MRTFA: variants seen among roughly 807,000 people sequenced by gnomAD.
The protein encoded by MRTFA is myocardin related transcription factor A.
MRTFA carries 20 observed loss-of-function variants against 83.5 expected under a neutral mutation model. That is an observed-to-expected ratio of 0.24 (90% CI 0.17 to 0.35). The LOEUF (loss-of-function observed/expected upper bound fraction) is 0.35. MRTFA is among the 10% of genes least tolerant of loss of function. The pLI is 1.00. For synonymous variants in MRTFA, 659 were observed against 541.2 expected (o/e 1.22, Z -3.02); for missense variants, 1,200 against 1,224.7 (o/e 0.98, Z 0.30).
chr22:40,571,026 C>CAGA, intron 2 of MRTFA, among the ~76,000 whole-genome samples: 1 of 46,734 alleles, frequency 2.1e-5, no homozygotes, highest in Admixed American at 3.7e-4. Context: ...CCTGTCTCTA[C>CAGA]AAAAAAAAAA....
chr22:40,576,102 C>G (rs2055864638), intron 2 of MRTFA, among the ~76,000 whole-genome samples: 1 of 148,470 alleles, frequency 6.7e-6, no homozygotes, highest in Admixed American at 6.8e-5. Flanking sequence ...GATCTCGGCT[C>G]ACTGCAACCT....
intron 2 of MRTFA, among the ~76,000 whole-genome samples, chr22:40,582,553 C>T (rs538511926): frequency 2.6e-5 from 4 of 151,956 alleles, no homozygotes; most frequent in African/African-American, 9.7e-5. Context: ...TGCTTTAATC[C>T]TCTTCCCAAA....
At chr22:40,436,128 C>T (rs2053165532) in intron 4 of MRTFA, among the ~76,000 whole-genome samples, 2 of 152,094 alleles carry the variant, frequency 1.3e-5, no homozygotes, top group Admixed American at 1.3e-4. Context: ...AAAGTGCACC[C>T]ATGGAATGTA....
At chr22:40,459,454 T>A (rs374070439) in intron 4 of MRTFA, among the ~76,000 whole-genome samples, 23 of 152,194 alleles carry the variant, frequency 1.5e-4, no homozygotes, top group African/African-American at 5.3e-4. Flanking sequence ...GATCTTGGTA[T>A]ATGGGAAAAT....
At chr22:40,550,675 T>C (rs1354568450) in intron 3 of MRTFA, among the ~76,000 whole-genome samples, 1 of 152,196 alleles carries the variant, frequency 6.6e-6, no homozygotes, top group Non-Finnish European at 1.5e-5. Flanking sequence ...CAACATTATA[T>C]ATTGCTTAAG....
At chr22:40,434,349 T>C (rs371381388) in intron 5 of MRTFA, among the ~76,000 whole-genome samples, 1 of 151,644 alleles carries the variant, frequency 6.6e-6, no homozygotes, top group East Asian at 1.9e-4. Context: ...TTAATCATGA[T>C]TTTCTGGGGA....
At chr22:40,536,998 G>C (rs1279062212) in intron 3 of MRTFA, among the ~76,000 whole-genome samples, 1 of 74,094 alleles carries the variant, frequency 1.3e-5, no homozygotes, top group African/African-American at 6.0e-5. Context: ...CAGCCACCCC[G>C]TCCGGGAGGG....
chr22:40,615,541 G>T (rs565530707), intron 1 of MRTFA, among the ~76,000 whole-genome samples: 3 of 152,262 alleles, frequency 2.0e-5, no homozygotes, highest in Admixed American at 6.5e-5. Context: ...ACAATCTTTA[G>T]ATTATTTGGG....
intron 3 of MRTFA, among the ~76,000 whole-genome samples, chr22:40,549,567 G>A (rs929282418): frequency 2.0e-5 from 3 of 152,190 alleles, no homozygotes; most frequent in Non-Finnish European, 4.4e-5. Context: ...AGGGAGTATT[G>A]ATTGGGAAGA....
At chr22:40,463,822 C>T (rs536841881) in intron 3 of MRTFA, among the ~76,000 whole-genome samples, 1 of 152,040 alleles carries the variant, frequency 6.6e-6, no homozygotes, top group Non-Finnish European at 1.5e-5. Flanking sequence ...AATATTTTAC[C>T]GTTAATATGC....
chr22:40,563,923 G>C (rs545925012), intron 2 of MRTFA, among the ~76,000 whole-genome samples: 2 of 152,284 alleles, frequency 1.3e-5, no homozygotes, highest in South Asian at 2.1e-4. Flanking sequence ...ATGCGGTTGT[G>C]GGGGGAGGTT....
intron 3 of MRTFA, among the ~76,000 whole-genome samples, chr22:40,551,741 G>A (rs942226640): frequency 6.6e-6 from 1 of 152,178 alleles, no homozygotes; most frequent in Admixed American, 6.5e-5. Context: ...AGTCCTAAAA[G>A]ATTACTCTGA....
intron 2 of MRTFA, chr22:40,587,725 A>C: frequency 3.0e-6 from 1 of 332,534 alleles, no homozygotes. Flanking sequence ...AGATATTTCC[A>C]AAAGCACCCT....
rs1051105023 is a variant in MRTFA at position 40,420,398 on chromosome 22, C to A, written c.1353+7G>T. 6.2e-6 allele frequency: 10 copies of A among 1,611,998 alleles called. No individual in the cohort carries two copies. The African/African-American group carries it at 1.3e-4, about 22-fold the overall frequency. On this transcript the variant is annotated splice_region_variant and intron_variant, in intron 11 of 14. Transcript: ENST00000355630. ...GCAGTGGCTCAAGTTTTCCAGTGGC[C>A]ATGTACCTTCATGTCGTCCAGGTTG...
intron 3 of MRTFA, among the ~76,000 whole-genome samples, chr22:40,479,957 A>T (rs1306963284): frequency 6.6e-6 from 1 of 152,184 alleles, no homozygotes; most frequent in Admixed American, 6.5e-5. Context: ...GGTAACTTTC[A>T]AAGAATAAGC....
intron 4 of MRTFA, among the ~76,000 whole-genome samples, chr22:40,437,155 A>C (rs988689341): frequency 6.6e-6 from 1 of 152,036 alleles, no homozygotes; most frequent in African/African-American, 2.4e-5. Context: ...TACCTCCCCA[A>C]CCTACCTGGG....
At chr22:40,629,464 A>T (rs1374760997) in intron 1 of MRTFA, among the ~76,000 whole-genome samples, 1 of 147,810 alleles carries the variant, frequency 6.8e-6, no homozygotes, top group Non-Finnish European at 1.5e-5. Flanking sequence ...ATTAAAAAAA[A>T]AAAAATTACC....
At chr22:40,532,554 G>A (rs1380782503) in intron 3 of MRTFA, among the ~76,000 whole-genome samples, 1 of 152,252 alleles carries the variant, frequency 6.6e-6, no homozygotes, top group East Asian at 1.9e-4. Flanking sequence ...ACTCATTATG[G>A]TCATATTAGT....
At chr22:40,517,041 G>C (rs1054531551) in intron 3 of MRTFA, among the ~76,000 whole-genome samples, 8 of 151,968 alleles carry the variant, frequency 5.3e-5, no homozygotes, top group African/African-American at 1.9e-4. Context: ...TCCTGCCCCA[G>C]CCTCCCAAGC....
Sources: allele counts gnomAD v4.1 joint callset (sites outside exome capture counted in the v4.1 genomes callset), GRCh38; gene constraint gnomAD v4.1.1; transcripts MANE v1.5; gene names NCBI Gene and HGNC (gene_info 2026-07-23, HGNC 2026-07-21).